PKHD1: variants seen among roughly 807,000 people sequenced by gnomAD.
PKHD1 encodes the protein fibrocystin.
A neutral mutation model predicts 412.0 loss-of-function variants in PKHD1; 291 were observed. The ratio of observed to expected loss-of-function variants is 0.71; its 90% confidence interval spans 0.64 to 0.78. PKHD1 has a LOEUF of 0.78. PKHD1 is among the 30% of genes least tolerant of loss of function. The probability of loss-of-function intolerance (pLI) is 0.00; values close to 1 mark genes in which losing one functional copy is unlikely to be tolerated. For synonymous variants in PKHD1, 1,777 were observed against 1,821.5 expected (o/e 0.98, Z 0.62); for missense variants, 4,825 against 4,950.7 (o/e 0.97, Z 0.76).
Position 52,062,500 on chromosome 6 carries a change from C to A in PKHD1, c.1118+19G>T. 1 of 1,613,816 alleles carries A rather than the reference C, an allele frequency of 6.2e-7. No homozygotes were observed. Among genetic ancestry groups the A allele is most frequent in the Non-Finnish European group, 8.5e-7 (1 of 1,179,738 alleles). On this transcript the variant is annotated intron_variant, in intron 14 of 66. Coordinates refer to ENST00000371117, the MANE Select transcript of PKHD1 (RefSeq NM_138694.4). ...CAAAGGTGCTTTTGATGTGGGCTCC[C>A]ACTTTTCCTACAACATACCTGAAAG...
intron 52 of PKHD1, among the ~76,000 whole-genome samples, chr6:51,804,769 AAG>A (rs1763510498): frequency 6.6e-6 from 1 of 152,144 alleles, no homozygotes. Flanking sequence ...AGAAGCGGGA[AAG>A]AGCTCCATAC....
chr6:51,707,782 T>C (rs1428828546), intron 60 of PKHD1, among the ~76,000 whole-genome samples: 1 of 152,192 alleles, frequency 6.6e-6, no homozygotes, highest in Non-Finnish European at 1.5e-5. Context: ...ACTCATTTTT[T>C]CCCTAGTTGA....
chr6:51,927,060 AAATTT>A (rs1785754257), intron 37 of PKHD1, among the ~76,000 whole-genome samples: 1 of 152,174 alleles, frequency 6.6e-6, no homozygotes, highest in Non-Finnish European at 1.5e-5. Flanking sequence ...AAGCTCATTT[AAATTT>A]AAGAGTAGAA....
At chr6:52,028,397 G>C (rs1802551093) in intron 29 of PKHD1, 46 bp from the exon 30 acceptor site, 1 of 1,547,518 alleles carries the variant, frequency 6.5e-7, no homozygotes, top group Non-Finnish European at 8.9e-7. Flanking sequence ...GGGGTTTGTG[G>C]GCTCAACCAT....
intron 36 of PKHD1, among the ~76,000 whole-genome samples, chr6:51,936,888 A>C (rs766105623): frequency 6.6e-6 from 1 of 152,192 alleles, no homozygotes; most frequent in Non-Finnish European, 1.5e-5. Flanking sequence ...TTTTACCCCA[A>C]AATATATTAA....
chr6:52,062,393 T>A, intron 14 of PKHD1, 126 bp downstream of exon 14: 1 of 985,958 alleles, frequency 1.0e-6, no homozygotes, highest in Non-Finnish European at 1.6e-6. Flanking sequence ...TCAAACTCTG[T>A]TGTTGTTGAA....
intron 60 of PKHD1, among the ~76,000 whole-genome samples, chr6:51,670,894 G>T (rs1267189699): frequency 6.6e-6 from 1 of 151,900 alleles, no homozygotes; most frequent in Non-Finnish European, 1.5e-5. Flanking sequence ...CTTCTGGCTT[G>T]TAGAGTTTCT....
At chr6:51,649,574 A>G (rs1770609284) in intron 61 of PKHD1, among the ~76,000 whole-genome samples, 1 of 152,204 alleles carries the variant, frequency 6.6e-6, no homozygotes, top group Non-Finnish European at 1.5e-5. Context: ...AAATGACAGG[A>G]CATGGACACG....
chr6:52,026,184 A>G lies in PKHD1; in HGVS notation c.3629-3T>C, dbSNP rs746550616. 5 of 1,613,498 alleles carry G rather than the reference A, an allele frequency of 3.1e-6. No homozygotes were observed. The African/African-American group carries it at 6.7e-5, about 22-fold the overall frequency. ...TGAGATGCTGAGGATGGTCCCTCCTAAAGTATGAATACGGAAAGCAAAATA... is the reference window on the plus strand; with the variant it reads ...TGAGATGCTGAGGATGGTCCCTCCTGAAGTATGAATACGGAAAGCAAAATA... On this transcript the variant is annotated splice_region_variant and splice_polypyrimidine_tract_variant and intron_variant, in intron 31 of 66. Transcript: ENST00000371117.
At chr6:51,832,460 T>A (rs965830553) in intron 51 of PKHD1, among the ~76,000 whole-genome samples, 5 of 152,006 alleles carry the variant, frequency 3.3e-5, no homozygotes, top group Admixed American at 6.6e-5. Flanking sequence ...AGTGACAAGG[T>A]TGGTAAAATA....
chr6:51,965,920 CTTCAAATCTCCTCTAATAG>C (rs1792733591), intron 35 of PKHD1, among the ~76,000 whole-genome samples: 1 of 152,088 alleles, frequency 6.6e-6, no homozygotes, highest in South Asian at 2.1e-4. Flanking sequence ...CTATTTGAAT[CTTCAAATCTCCTCTAATAG>C]TATCTCTTCT....
At chr6:52,058,849 C>T (rs1477125556) in intron 15 of PKHD1, among the ~76,000 whole-genome samples, 1 of 152,016 alleles carries the variant, frequency 6.6e-6, no homozygotes, top group African/African-American at 2.4e-5. Context: ...ATAGATGGGC[C>T]ATGTTCAGAG....
chr6:51,746,724 G>T lies in PKHD1; in HGVS notation c.9995C>A (p.Pro3332His). The T allele has an allele frequency of 5.0e-6, 8 of 1,584,484 alleles. No individual in the cohort carries two copies. Among genetic ancestry groups the T allele is most frequent in the Non-Finnish European group, 6.9e-6 (8 of 1,153,436 alleles). ...KNKFYFPSLQ[P>H]RKDLGKVVCP... ...TTATAAATACTAAAAATTATACCTG[G>T]GTTGTAATGAAGGAAAGTAGAACTT... Residue 3332 changes from proline (P) to histidine (H), a missense_variant, in exon 59 of 67, where the codon CCC becomes CAC. Pro to His is a moderately conservative substitution (Grantham distance 77). Transcript: ENST00000371117.
chr6:51,757,995 C>G (rs1403615669), intron 55 of PKHD1, among the ~76,000 whole-genome samples: 1 of 131,026 alleles, frequency 7.6e-6, no homozygotes, highest in Non-Finnish European at 1.6e-5. Context: ...GCCTGGGCAA[C>G]AGAATGAGAC....
At chr6:51,901,597 C>T (rs1781302929) in intron 43 of PKHD1, among the ~76,000 whole-genome samples, 1 of 151,034 alleles carries the variant, frequency 6.6e-6, no homozygotes, top group African/African-American at 2.4e-5. Flanking sequence ...GTACAGCGCA[C>T]CAGCATGGCA....
chr6:51,732,720 A>G (rs1783374717), intron 60 of PKHD1, among the ~76,000 whole-genome samples: 1 of 152,256 alleles, frequency 6.6e-6, no homozygotes, highest in South Asian at 2.1e-4. Flanking sequence ...TGTGGGAAAC[A>G]ACATTATGGT....
chr6:51,622,601 G>A (rs1766764859), intron 66 of PKHD1: 1 of 152,160 alleles, frequency 6.6e-6, no homozygotes, highest in Admixed American at 6.6e-5. Flanking sequence ...TCCTTTATGT[G>A]AAAAATATTA....
chr6:51,996,584 G>A (rs561758754), intron 35 of PKHD1, among the ~76,000 whole-genome samples: 21 of 152,332 alleles, frequency 1.4e-4, no homozygotes, highest in African/African-American at 4.8e-4. Context: ...GTTTTATGTA[G>A]TCATTATGCT....
intron 48 of PKHD1, among the ~76,000 whole-genome samples, chr6:51,862,667 G>A (rs897785036): frequency 2.0e-5 from 3 of 152,194 alleles, no homozygotes; most frequent in Non-Finnish European, 4.4e-5. Context: ...GGTAAAAACT[G>A]AACGCAAGCA....
Sources: allele counts gnomAD v4.1 joint callset (sites outside exome capture counted in the v4.1 genomes callset), GRCh38; gene constraint gnomAD v4.1.1; transcripts MANE v1.5; gene names NCBI Gene and HGNC (gene_info 2026-07-23, HGNC 2026-07-21).